Variants in ZC3H12B observed in about 807,000 individuals in gnomAD.
ZC3H12B encodes probable ribonuclease ZC3H12B.
In ZC3H12B, 7 loss-of-function variants were observed where a neutral mutation model predicts 43.9. That is an observed-to-expected ratio of 0.16 (90% CI 0.09 to 0.30). ZC3H12B has a LOEUF of 0.30. Ranked by LOEUF, ZC3H12B falls within the 10% of genes least tolerant of loss-of-function variation. The probability of loss-of-function intolerance (pLI) is 1.00; values close to 1 mark genes in which losing one functional copy is unlikely to be tolerated. For missense variants in ZC3H12B, 475 were observed against 670.2 expected, an observed-to-expected ratio of 0.71 and a Z score of 3.22; for synonymous variants, 222 against 241.7, an observed-to-expected ratio of 0.92 and a Z score of 0.76.
the ZC3H12B span, among the ~76,000 whole-genome samples, chrX:65,136,145 G>T: frequency 9.0e-6 from 1 of 110,977 alleles, no homozygotes; most frequent in African/African-American, 3.3e-5. Context: ...TGAGACTTTG[G>T]GCCTTGGTTA....
chrX:65,137,350 T>G, the ZC3H12B span, among the ~76,000 whole-genome samples: 2 of 112,165 alleles, frequency 1.8e-5, no homozygotes, highest in African/African-American at 6.5e-5. Context: ...AAGGGAAAAA[T>G]TAATAAAATT....
the ZC3H12B span, among the ~76,000 whole-genome samples, chrX:65,145,910 T>C: frequency 9.0e-6 from 1 of 111,335 alleles, no homozygotes; most frequent in South Asian, 3.8e-4. Flanking sequence ...CCCATAGCTC[T>C]TAGGATTCTT....
chrX:65,343,035 C>T, the ZC3H12B span, among the ~76,000 whole-genome samples: 3 of 110,891 alleles, frequency 2.7e-5, no homozygotes, highest in Non-Finnish European at 5.7e-5. Flanking sequence ...ATATTATAAA[C>T]ACCTCTATGG....
the ZC3H12B span, among the ~76,000 whole-genome samples, chrX:65,056,231 G>C: frequency 9.0e-6 from 1 of 111,099 alleles, no homozygotes; most frequent in East Asian, 2.8e-4. Flanking sequence ...GCATTTAGTG[G>C]TATAAGTTTC....
chrX:65,094,542 T>C, the ZC3H12B span, among the ~76,000 whole-genome samples: 1 of 111,458 alleles, frequency 9.0e-6, no homozygotes, highest in Non-Finnish European at 1.9e-5. Context: ...TAGGGCCTAC[T>C]AAGTTATGAT....
At chrX:65,447,326 A>G (rs756645024) in intron 3 of ZC3H12B, among the ~76,000 whole-genome samples, 1 of 111,310 alleles carries the variant, frequency 9.0e-6, no homozygotes, top group South Asian at 3.7e-4. Flanking sequence ...TGATTTTTTT[A>G]ATTTAAAAAT....
chrX:65,345,504 G>A, the ZC3H12B span, among the ~76,000 whole-genome samples: 1 of 111,113 alleles, frequency 9.0e-6, no homozygotes, highest in Non-Finnish European at 1.9e-5. Context: ...ATAACACACG[G>A]GCAAATAGAC....
At chrX:65,487,265 G>T (rs979075636), upstream of ZC3H12B, among the ~76,000 whole-genome samples, 9 of 112,868 alleles carry the variant, frequency 8.0e-5, no homozygotes, top group African/African-American at 2.9e-4. Flanking sequence ...TTGAGGCAGG[G>T]TGTGGTGGCT....
intron 2 of ZC3H12B, among the ~76,000 whole-genome samples, chrX:65,395,745 A>C (rs1481969586): frequency 8.9e-6 from 1 of 111,791 alleles, no homozygotes; most frequent in Non-Finnish European, 1.9e-5. Context: ...CATTTGGAAT[A>C]GTTTCAGAAG....
At chrX:65,134,862 A>T in the ZC3H12B span, among the ~76,000 whole-genome samples, 1 of 111,253 alleles carries the variant, frequency 9.0e-6, no homozygotes, top group Non-Finnish European at 1.9e-5. Flanking sequence ...TTGGGTAGGT[A>T]AGGGAAAATT....
chrX:65,212,280 TA>T, the ZC3H12B span, among the ~76,000 whole-genome samples: 5 of 51,060 alleles, frequency 9.8e-5, no homozygotes, highest in African/African-American at 3.3e-4. Context: ...ATATATAATA[TA>T]ATTATAATAT....
chrX:65,310,538 G>A, the ZC3H12B span, among the ~76,000 whole-genome samples: 3 of 112,090 alleles, frequency 2.7e-5, no homozygotes, highest in African/African-American at 9.7e-5. Context: ...TCATGGATAA[G>A]AAGAATCAGT....
chrX:65,168,825 G>T, the ZC3H12B span, among the ~76,000 whole-genome samples: 1 of 111,408 alleles, frequency 9.0e-6, no homozygotes, highest in Non-Finnish European at 1.9e-5. Context: ...AGTTTGTTTT[G>T]TAGAGGTGTT....
chrX:65,162,264 G>T, the ZC3H12B span, among the ~76,000 whole-genome samples: 1 of 110,951 alleles, frequency 9.0e-6, no homozygotes, highest in Admixed American at 9.7e-5. Flanking sequence ...CTCTTCTCGA[G>T]GAGTATTTTT....
chrX:65,448,812 C>CA (rs1206922223), intron 3 of ZC3H12B, among the ~76,000 whole-genome samples: 1 of 79,839 alleles, frequency 1.3e-5, no homozygotes, highest in Non-Finnish European at 2.2e-5. Flanking sequence ...AATGATACTC[C>CA]AAAAAAAGAA....
chrX:65,085,522 C>A, the ZC3H12B span, among the ~76,000 whole-genome samples: 1 of 111,018 alleles, frequency 9.0e-6, no homozygotes, highest in Non-Finnish European at 1.9e-5. Flanking sequence ...ACCTATATTA[C>A]CCCAGTTTGT....
chrX:65,160,872 G>A, the ZC3H12B span, among the ~76,000 whole-genome samples: 55 of 108,830 alleles, frequency 5.1e-4, no homozygotes, highest in African/African-American at 1.3e-3. Flanking sequence ...ATTTTGGATC[G>A]TTCCTGCTTT....
At chrX:65,405,203 G>C (rs1265100873) in intron 3 of ZC3H12B, among the ~76,000 whole-genome samples, 1 of 111,530 alleles carries the variant, frequency 9.0e-6, no homozygotes, top group Non-Finnish European at 1.9e-5. Flanking sequence ...AGTACTAAGA[G>C]GGAAGTTTAT....
At chrX:65,323,784 G>T in the ZC3H12B span, among the ~76,000 whole-genome samples, 1 of 111,845 alleles carries the variant, frequency 8.9e-6, no homozygotes, top group East Asian at 2.8e-4. Flanking sequence ...CTTCCACAAT[G>T]GTTGAACTAA....
Sources: gnomAD v4.1 joint callset for allele counts (sites outside exome capture counted in the v4.1 genomes callset) on GRCh38, gnomAD v4.1.1 for gene constraint, MANE v1.5 for transcripts, NCBI Gene and HGNC (gene_info 2026-07-23, HGNC 2026-07-21) for gene names.